Variants in CDKL2 observed in about 807,000 individuals in gnomAD.
CDKL2 encodes the protein cyclin dependent kinase like 2, also known as cyclin-dependent kinase-like 2.
CDKL2 carries 64 observed loss-of-function variants against 63.9 expected under a neutral mutation model. The observed-to-expected ratio is 1.00, with a 90% CI of 0.82 to 1.23. CDKL2 has a LOEUF of 1.23. Among genes scored for constraint, CDKL2 ranks in the 50% most tolerant of loss-of-function variants. CDKL2 has a pLI of 0.00. For missense variants in CDKL2, 656 were observed against 668.0 expected (o/e 0.98, Z 0.20); for synonymous variants, 211 against 229.2 (o/e 0.92, Z 0.72).
chr4:75,600,502 G>T (rs1422860593), intron 6 of CDKL2, 133 bp from the exon 7 acceptor site: 4 of 637,288 alleles, frequency 6.3e-6, no homozygotes, highest in African/African-American at 3.7e-5. Flanking sequence ...CTGTTGCCCA[G>T]GCTAGAGTGC....
rs201306940 is a variant in CDKL2 at position 75,596,350 on chromosome 4, C to CA, written c.1323-11dup. The CA allele has an allele frequency of 1.7e-3, 2,499 of 1,472,550 alleles. 5 individuals are homozygous for CA. Among genetic ancestry groups the CA allele is most frequent in the African/African-American group, 0.011 (773 of 70,268 alleles). 91.2% of individuals were successfully genotyped at this position (1,472,550 alleles called of 1,614,324 possible). A position where few individuals can be genotyped will look rare whatever the true frequency, so the allele number is the denominator to read the frequency against. On this transcript the variant is annotated splice_polypyrimidine_tract_variant and intron_variant, in intron 9 of 13. Transcript: ENST00000307465. ...AGTTTTCTCATCCACTCTGTAACGA[C>CA]AAAAAAAAATGTTTTTAAGTTAGAA...
At chr4:75,590,441 G>T (rs927117954) in intron 12 of CDKL2, among the ~76,000 whole-genome samples, 3 of 152,198 alleles carry the variant, frequency 2.0e-5, no homozygotes, top group Non-Finnish European at 2.9e-5. Context: ...GAGGCTGGGG[G>T]CAATGCCTCA....
chr4:75,628,109 T>C (rs1248352201), intron 1 of CDKL2, among the ~76,000 whole-genome samples: 4 of 151,562 alleles, frequency 2.6e-5, no homozygotes, highest in African/African-American at 9.7e-5. Flanking sequence ...TTTGAATTTG[T>C]GTTTGAAATT....
intron 8 of CDKL2, 56 bp downstream of exon 8, chr4:75,598,020 CA>C: frequency 8.5e-7 from 1 of 1,172,938 alleles, no homozygotes; most frequent in Non-Finnish European, 1.1e-6. Flanking sequence ...TATTTTTTCT[CA>C]AAAAATTTAA....
chr4:75,594,246 G>A (rs1026046361), intron 10 of CDKL2, among the ~76,000 whole-genome samples: 2 of 152,012 alleles, frequency 1.3e-5, no homozygotes, highest in South Asian at 2.1e-4. Flanking sequence ...TCAGGAGTTC[G>A]AAACCAGCCT....
chr4:75,599,475 C>T (rs766381109), intron 7 of CDKL2, among the ~76,000 whole-genome samples: 61 of 142,032 alleles, frequency 4.3e-4, no homozygotes, highest in Admixed American at 9.3e-4. Flanking sequence ...GCAAGAGAAT[C>T]GCTTGAACCC....
rs72869638 is a variant in CDKL2 at position 75,581,548 on chromosome 4, C to T, written c.*23+262G>A. On this transcript the variant is annotated intron_variant, in intron 13 of 13. Transcript: ENST00000307465. ...GTATATATCTTTCTTGAGCACTTGT[C>T]ACCCTAAATTCACATTACTATATCC... Among the ~76,000 whole-genome samples, 1,360 of 152,338 alleles carry T rather than the reference C, an allele frequency of 8.9e-3. 21 individuals carry two copies. Among genetic ancestry groups the T allele is most frequent in the African/African-American group, 0.031 (1,305 of 41,580 alleles).
At chr4:75,602,901 A>G (rs970120978) in intron 6 of CDKL2, among the ~76,000 whole-genome samples, 1 of 152,136 alleles carries the variant, frequency 6.6e-6, no homozygotes, top group African/African-American at 2.4e-5. Context: ...AAACGTAAAA[A>G]TCATACAGTG....
intron 7 of CDKL2, among the ~76,000 whole-genome samples, chr4:75,599,356 G>A (rs1342985017): frequency 6.6e-6 from 1 of 152,080 alleles, no homozygotes; most frequent in South Asian, 2.1e-4. Flanking sequence ...GAGGTCAGGA[G>A]TTCAAGACCA....
chr4:75,604,478 A>G (rs539888156), intron 5 of CDKL2, among the ~76,000 whole-genome samples: 22 of 152,238 alleles, frequency 1.4e-4, no homozygotes, highest in Non-Finnish European at 2.6e-4. Flanking sequence ...CAAATAGTTA[A>G]ATTACCCCCA....
intron 2 of CDKL2, among the ~76,000 whole-genome samples, chr4:75,615,471 C>G (rs1560590705): frequency 6.6e-6 from 1 of 152,164 alleles, no homozygotes; most frequent in Admixed American, 6.6e-5. Context: ...ATACAGCTCT[C>G]AAAATCCTCA....
At chr4:75,595,834 C>T (rs1471895931) in intron 10 of CDKL2, among the ~76,000 whole-genome samples, 1 of 151,492 alleles carries the variant, frequency 6.6e-6, no homozygotes, top group East Asian at 1.9e-4. Context: ...GAGGCTGAGG[C>T]AGGAGAATCA....
chr4:75,611,690 T>G (rs1419470695), intron 3 of CDKL2, among the ~76,000 whole-genome samples: 20 of 151,520 alleles, frequency 1.3e-4, no homozygotes, highest in Admixed American at 1.1e-3. Flanking sequence ...GTTTCGTTCT[T>G]GTTGCCCAGG....
In CDKL2 at chr4:75,597,043, G is replaced by C. The variant is rs748685444; in HGVS notation, c.1214C>G (p.Thr405Arg). The change falls in exon 9 of 14, where the codon ACA becomes AGA. Residue 405 changes from threonine to arginine, a missense_variant. By Grantham distance (71) the Thr-to-Arg change is moderately conservative. Transcript: ENST00000307465. ...KDCSNVSVDHTRNPSVAIPPL... is the reference protein window; with the variant it reads ...KDCSNVSVDHRRNPSVAIPPL... The stretch of plus-strand genomic sequence containing the variant: ...GGGAATTGCCACGCTTGGATTCCTT[G>C]TGTGGTCCACGCTGACATTGCTGCA... 3 of 1,614,044 alleles carry C rather than the reference G, an allele frequency of 1.9e-6. No individual in the cohort carries two copies. Among genetic ancestry groups the C allele is most frequent in the Non-Finnish European group, 2.5e-6 (3 of 1,180,000 alleles).
At chr4:75,629,716 G>C (rs1279032508) in intron 1 of CDKL2, among the ~76,000 whole-genome samples, 1 of 152,104 alleles carries the variant, frequency 6.6e-6, no homozygotes, top group Non-Finnish European at 1.5e-5. Context: ...GAGGCGGGCG[G>C]ATCACCTGAG....
chr4:75,608,996 G>GAAAAAAAAA (rs5859470), intron 3 of CDKL2, among the ~76,000 whole-genome samples: 2 of 120,864 alleles, frequency 1.7e-5, no homozygotes, highest in Non-Finnish European at 1.7e-5. Flanking sequence ...TCCATCTCAA[G>GAAAAAAAAA]AAAAAAAAAA....
At chr4:75,606,028 T>G (rs543981000) in intron 4 of CDKL2, among the ~76,000 whole-genome samples, 35 of 152,312 alleles carry the variant, frequency 2.3e-4, no homozygotes, top group African/African-American at 8.4e-4. Context: ...TTATGTATAC[T>G]TTATTCTGGA....
chr4:75,629,079 G>A (rs1260633643), intron 1 of CDKL2, among the ~76,000 whole-genome samples: 2 of 125,258 alleles, frequency 1.6e-5, no homozygotes, highest in East Asian at 2.0e-4. Flanking sequence ...TAAACTGTTT[G>A]TATTTGAAAA....
chr4:75,599,840 C>T (rs1387950574), intron 7 of CDKL2, among the ~76,000 whole-genome samples: 1 of 152,184 alleles, frequency 6.6e-6, no homozygotes, highest in African/African-American at 2.4e-5. Flanking sequence ...ATGCCAGCAA[C>T]TCTGGCACCC....
Sources: allele counts gnomAD v4.1 joint callset (sites outside exome capture counted in the v4.1 genomes callset), GRCh38; gene constraint gnomAD v4.1.1; transcripts MANE v1.5; gene names NCBI Gene and HGNC (gene_info 2026-07-23, HGNC 2026-07-21).